The following NRG1 variants were observed in gnomAD, a reference collection of about 807,000 sequenced individuals.
The protein encoded by NRG1 is pro-neuregulin-1, membrane-bound isoform.
NRG1 carries 18 observed loss-of-function variants against 63.8 expected under a neutral mutation model. The ratio of observed to expected loss-of-function variants is 0.28; its 90% CI spans 0.19 to 0.42. The LOEUF (loss-of-function observed/expected upper bound fraction) is 0.42, where lower values mean the gene tolerates loss of function less well. Ranked by LOEUF, NRG1 falls within the 10% of genes least tolerant of loss-of-function variation. NRG1 has a pLI of 1.00. For synonymous variants in NRG1, 302 were observed against 301.3 expected (o/e 1.00, Z -0.02); for missense variants, 762 against 814.7 (o/e 0.94, Z 0.79).
At chr8:31,755,111 G>A (rs1816838240) in intron 1 of NRG1, among the ~76,000 whole-genome samples, 1 of 152,050 alleles carries the variant, frequency 6.6e-6, no homozygotes, top group African/African-American at 2.4e-5. Context: ...CCCTGGACAG[G>A]CCTGCACTGC....
rs566000088 is a variant in NRG1, at chr8:32,178,866, C to G, written c.38-416962C>G. Among the ~76,000 whole-genome samples, 255 of 151,760 alleles carry G rather than the reference C, an allele frequency of 1.7e-3. 3 individuals carry two copies. The highest frequency in any genetic ancestry group is 5.9e-3 in the African/African-American group (245 of 41,374). Reference sequence around the variant, plus strand: ...AGTCAGGATTGACTTACACATGAAACATATAAGACTTCTTTCTGTCCTAAA... The same window carrying G: ...AGTCAGGATTGACTTACACATGAAAGATATAAGACTTCTTTCTGTCCTAAA... On this transcript the variant is annotated intron_variant, in intron 1 of 10. Coordinates refer to the NRG1 transcript ENST00000519301.
At chr8:32,714,263 C>A (rs150171844) in intron 5 of NRG1, among the ~76,000 whole-genome samples, 3,586 of 152,128 alleles carry the variant, frequency 0.024, 88 homozygotes, top group Non-Finnish European at 0.033. Flanking sequence ...TTCTTGAAAA[C>A]AAACATACAA....
chr8:31,989,128 A>G (rs1192367798), intron 1 of NRG1, among the ~76,000 whole-genome samples: 1 of 151,642 alleles, frequency 6.6e-6, no homozygotes, highest in East Asian at 2.0e-4. Context: ...GTGCGCCTGT[A>G]GTCCCAGACT....
chr8:32,685,718 A>T (rs1382913925), intron 5 of NRG1, among the ~76,000 whole-genome samples: 3 of 152,216 alleles, frequency 2.0e-5, no homozygotes, highest in African/African-American at 7.2e-5. Flanking sequence ...ATGACGCATA[A>T]GAGTAGAGGA....
At chr8:32,353,675 T>C (rs1187034799) in intron 1 of NRG1, among the ~76,000 whole-genome samples, 4 of 152,220 alleles carry the variant, frequency 2.6e-5, no homozygotes, top group Non-Finnish European at 5.9e-5. Flanking sequence ...TAGCAACTAG[T>C]GGCAGGAATG....
chr8:32,735,392 A>G (rs1300283238), intron 6 of NRG1, among the ~76,000 whole-genome samples: 1 of 152,200 alleles, frequency 6.6e-6, no homozygotes, highest in Non-Finnish European at 1.5e-5. Context: ...TACCCCATAA[A>G]TGTATACAAG....
intron 1 of NRG1, among the ~76,000 whole-genome samples, chr8:32,002,444 T>C (rs1813086352): frequency 6.6e-6 from 1 of 152,090 alleles, no homozygotes; most frequent in Non-Finnish European, 1.5e-5. Context: ...CCATCCAATA[T>C]GACTTCACTT....
intron 1 of NRG1, among the ~76,000 whole-genome samples, chr8:32,042,293 T>TA (rs985191517): frequency 1.5e-4 from 23 of 150,644 alleles, no homozygotes; most frequent in African/African-American, 5.6e-4. Flanking sequence ...AAAGAAAAAA[T>TA]AAAAAAATAA....
intron 1 of NRG1, among the ~76,000 whole-genome samples, chr8:32,224,924 G>A (rs1846169232): frequency 1.3e-5 from 2 of 152,058 alleles, no homozygotes; most frequent in Admixed American, 1.3e-4. Context: ...TAAACTTCCA[G>A]ATGGCAGTGA....
In NRG1 at chr8:32,179,188, A is replaced by T. The variant is rs973417172; in HGVS notation, c.38-416640A>T. On this transcript the variant is annotated intron_variant, in intron 1 of 10. Transcript: ENST00000519301. The stretch of plus-strand genomic sequence containing the variant: ...CTTCTTCCCAACGTCTCACAGTCAT[A>T]AAAAAAAAAAAAAAAAAAAAAAAAA... 5.0e-3 allele frequency among the ~76,000 whole-genome samples: 104 copies of T among 20,746 alleles called. 3 individuals are homozygous for T. Among genetic ancestry groups the T allele is most frequent in the East Asian group, 0.038 (91 of 2,380 alleles). 13.6% of individuals were successfully genotyped at this position (20,746 alleles called of 152,430 possible). A position where few individuals can be genotyped will look rare whatever the true frequency, so the allele number is the denominator to read the frequency against.
chr8:31,723,906 A>C (rs1813167053), intron 1 of NRG1, among the ~76,000 whole-genome samples: 1 of 152,106 alleles, frequency 6.6e-6, no homozygotes, highest in Admixed American at 6.6e-5. Context: ...CATATAGTGG[A>C]GAAAACAGAG....
Position 31,898,211 on chromosome 8 carries a change from C to T in NRG1, c.37+258780C>T, listed in dbSNP as rs553758097. Reference sequence around the variant, plus strand: ...CATGTAAGGCACATGTTCTTAAGATCTCTTGAGGGATGTGTCTCAGGCTAC... The same window carrying T: ...CATGTAAGGCACATGTTCTTAAGATTTCTTGAGGGATGTGTCTCAGGCTAC... On this transcript the variant is annotated intron_variant, in intron 1 of 10. Transcript: ENST00000519301. 1.2e-4 allele frequency among the ~76,000 whole-genome samples: 19 copies of T among 152,212 alleles called. No homozygotes were observed. In the South Asian group the frequency reaches 3.9e-3, roughly 32 times the overall value.
chr8:31,857,604 G>A (rs1712500172), intron 1 of NRG1, among the ~76,000 whole-genome samples: 1 of 152,202 alleles, frequency 6.6e-6, no homozygotes, highest in South Asian at 2.1e-4. Context: ...CTGTAGACCA[G>A]AGCTGTTCCT....
At position 31,816,245 on chromosome 8, in the gene NRG1, G is replaced by C. The variant is rs535888835; in HGVS notation, c.37+176814G>C. Among the ~76,000 whole-genome samples, 20 of 152,280 alleles carry C rather than the reference G, an allele frequency of 1.3e-4. No homozygotes were observed. The East Asian group carries it at 2.3e-3, about 18-fold the overall frequency. On this transcript the variant is annotated intron_variant, in intron 1 of 10. Transcript: ENST00000519301. ...GAGCACCTCAACTGAGGCTGGGGAT[G>C]TGTGTCCCTGTTGTTGGGGGAACAC...
At chr8:32,387,911 T>C (rs997687234) in intron 1 of NRG1, among the ~76,000 whole-genome samples, 1 of 152,218 alleles carries the variant, frequency 6.6e-6, no homozygotes, top group African/African-American at 2.4e-5. Context: ...CATTCATTGT[T>C]ACATGGATAT....
At chr8:31,684,956 G>A (rs771049293) in intron 1 of NRG1, among the ~76,000 whole-genome samples, 36 of 152,118 alleles carry the variant, frequency 2.4e-4, no homozygotes, top group Non-Finnish European at 4.6e-4. Flanking sequence ...AATATCACAA[G>A]GTGCATGGAG....
intron 1 of NRG1, among the ~76,000 whole-genome samples, chr8:32,109,468 G>T (rs961546751): frequency 1.1e-4 from 16 of 152,276 alleles, no homozygotes; most frequent in Middle Eastern, 3.4e-3. Context: ...CACTCAGCTG[G>T]TAGGTGGTAA....
intron 1 of NRG1, among the ~76,000 whole-genome samples, chr8:31,751,491 A>G (rs1010275182): frequency 1.3e-5 from 2 of 152,084 alleles, no homozygotes; most frequent in Non-Finnish European, 2.9e-5. Context: ...AGAGTACTAT[A>G]TAAGCTAAGA....
At chr8:31,820,762 A>G (rs1253710391) in intron 1 of NRG1, among the ~76,000 whole-genome samples, 5 of 152,374 alleles carry the variant, frequency 3.3e-5, no homozygotes, top group Admixed American at 2.0e-4. Context: ...TAGGATATGC[A>G]TATCTCAAGT....
Sources: gnomAD v4.1 joint callset for allele counts (sites outside exome capture counted in the v4.1 genomes callset) on GRCh38, gnomAD v4.1.1 for gene constraint, MANE v1.5 for transcripts, NCBI Gene and HGNC (gene_info 2026-07-23, HGNC 2026-07-21) for gene names.